Variants in YJEFN3 observed in about 807,000 individuals in gnomAD.
The protein encoded by YJEFN3 is YjeF N-terminal domain containing 3, also known as yjeF N-terminal domain-containing protein 3.
YJEFN3 carries 29 observed loss-of-function variants against 31.5 expected under a neutral mutation model. The ratio of observed to expected loss-of-function variants is 0.92; its 90% CI spans 0.69 to 1.26. YJEFN3 has a LOEUF of 1.26. YJEFN3 is among the 50% of genes most tolerant of loss of function. The probability of loss-of-function intolerance (pLI) is 0.00; values close to 1 mark genes in which losing one functional copy is unlikely to be tolerated. For missense variants in YJEFN3, 442 were observed against 425.4 expected, an observed-to-expected ratio of 1.04 and a Z score of -0.34; for synonymous variants, 227 against 196.1, an observed-to-expected ratio of 1.16 and a Z score of -1.32.
At position 19,529,457 on chromosome 19, in the gene YJEFN3, C is replaced by G. The variant is rs200337311; in HGVS notation, c.153C>G (p.Ala51=). 1.2e-6 allele frequency: 2 copies of G among 1,614,156 alleles called. No homozygotes were observed. Among genetic ancestry groups the G allele is most frequent in the Non-Finnish European group, 1.7e-6 (2 of 1,180,026 alleles). Residue 51 remains alanine (A), a synonymous_variant, in exon 2 of 7, where the codon GCC becomes GCG. Transcript: ENST00000514277. ...CCCTTGTCCAGAGGAGGAAACAGGCCTGGGGAAGGCAGTCATGGCTAGAGC... is the reference window on the plus strand; with the variant it reads ...CCCTTGTCCAGAGGAGGAAACAGGCGTGGGGAAGGCAGTCATGGCTAGAGC... ...TTSLVQRRKQ[A]WGRQSWLEQI...
At chr19:19,536,069 G>A in intron 6 of YJEFN3, 1 of 505,846 alleles carries the variant, frequency 2.0e-6, no homozygotes, top group Non-Finnish European at 3.5e-6. Flanking sequence ...CCGTGGGGGT[G>A]GCTGGACTCC....
rs1162772387 is a variant in YJEFN3, at chr19:19,537,487, C to T, written c.863C>T (p.Pro288Leu). Residue 288 changes from proline (P) to leucine (L), a missense_variant, in exon 7 of 7, where the codon CCG becomes CTG. Pro to Leu is a moderately conservative substitution (Grantham distance 98). Transcript: ENST00000514277. ...CGCCGCAAGTTCGCTCTGCGCCTGC[C>T]GGGATACACGGGCACCGACTGCGTC... ...DVRRKFALRL[P>L]GYTGTDCVAA... is the part of the protein sequence containing the mutation. The T allele has an allele frequency of 2.3e-5, 37 of 1,578,208 alleles. No individual in the cohort carries two copies. The highest frequency in any genetic ancestry group is 2.9e-5 in the Non-Finnish European group (34 of 1,166,648).
chr19:19,530,594 CAG>C (rs2061146096), intron 2 of YJEFN3, among the ~76,000 whole-genome samples: 1 of 152,200 alleles, frequency 6.6e-6, no homozygotes, highest in Non-Finnish European at 1.5e-5. Context: ...GGGCAGCAGT[CAG>C]AGCTGTCACA....
Position 19,529,026 on chromosome 19 carries a change from G to T in YJEFN3, c.59+35G>T, listed in dbSNP as rs1257249161. ...GGAGAGGGAAGCTGGAGACGGGCAT[G>T]GTTCCCATGGGGCCAGGAGCAGCCC... On this transcript the variant is annotated intron_variant, in intron 1 of 6. Coordinates refer to ENST00000514277, the MANE Select transcript of YJEFN3 (RefSeq NM_198537.4). 4 of 1,549,098 alleles carry T rather than the reference G, an allele frequency of 2.6e-6. No homozygotes were observed. The Admixed American group carries it at 5.9e-5, about 23-fold the overall frequency.
intron 6 of YJEFN3, 57 bp downstream of exon 6, chr19:19,535,736 G>A (rs1428706054): frequency 2.0e-6 from 3 of 1,531,258 alleles, no homozygotes; most frequent in Admixed American, 3.9e-5. Context: ...GGAGGCCCCT[G>A]TGCCCCAGCT....
At chr19:19,535,252 G>A (rs1363545732) in intron 4 of YJEFN3, 85 bp from the exon 5 acceptor site, 2 of 1,520,344 alleles carry the variant, frequency 1.3e-6, no homozygotes, top group Non-Finnish European at 1.8e-6. Context: ...CCAGGTTATA[G>A]AATATGCCCA....
Position 19,534,268 on chromosome 19 carries a change from GAGAAAGAGAGCCAGAGACATAC to G in YJEFN3, c.319-758_319-737del, listed in dbSNP as rs2061185312. The stretch of plus-strand genomic sequence containing the variant: ...AGACAAATGGAGAGAGAGACAAATG[GAGAAAGAGAGCCAGAGACATAC>G]AGAAAGACAGAGACACTAGAGTCTG... On this transcript the variant is annotated intron_variant, in intron 3 of 6. Transcript: ENST00000514277. This position sits in a 1 kb window ranked among gnomAD's most constrained non-coding sequence, Gnocchi z 4.6. The G allele has an allele frequency of 1.4e-6, 1 of 710,006 alleles. No individual in the cohort carries two copies. Among genetic ancestry groups the G allele is most frequent in the African/African-American group, 1.9e-5 (1 of 51,328 alleles). The allele number at this position is 710,006 out of a possible 1,614,324, so 44.0% of individuals were successfully genotyped here.
In YJEFN3 at chr19:19,537,402, G is replaced by A. The variant is rs367770101; in HGVS notation, c.778G>A (p.Ala260Thr). Residue 260 changes from alanine (A) to threonine (T), a missense_variant, in exon 7 of 7, where the codon GCT becomes ACT. Transcript: ENST00000514277. ...LVSLAAPKRCAGRFSGRHHFV... is the reference protein window; with the variant it reads ...LVSLAAPKRCTGRFSGRHHFV... ...GTCTCTCGCGGCGCCCAAGCGCTGC[G>A]CTGGCCGCTTCTCCGGGCGCCACCA... is the stretch of plus-strand genomic sequence containing the variant. 1 of 1,590,018 alleles carries A rather than the reference G, an allele frequency of 6.3e-7. No homozygotes were observed. Among genetic ancestry groups the A allele is most frequent in the Non-Finnish European group, 8.5e-7 (1 of 1,174,718 alleles).
intron 2 of YJEFN3, among the ~76,000 whole-genome samples, chr19:19,530,501 T>C (rs2061145078): frequency 3.3e-5 from 5 of 151,790 alleles, no homozygotes. Context: ...TCCAAGTGGC[T>C]GCTAGAGGCC....
In YJEFN3 at chr19:19,535,339, G is replaced by A. The variant is rs2061197539; in HGVS notation, c.432G>A (p.Glu144=). 6.2e-7 allele frequency: 1 copy of A among 1,613,656 alleles called. No homozygotes were observed. The highest frequency in any genetic ancestry group is 2.2e-5 in the East Asian group (1 of 44,858). Residue 144 remains glutamate, a splice_region_variant and synonymous_variant, in exon 5 of 7, where the codon GAG becomes GAA. Transcript: ENST00000514277. ...LVCARHLRVF[E]YEPTIFYPTR... ...ACCCCCTCTTCTCCCACCCCCAGGA[G>A]TATGAACCCACCATCTTCTACCCCA...
In YJEFN3 at chr19:19,534,060, C is replaced by T. The variant is rs1456623470; in HGVS notation, c.319-974C>T. 48 of 985,420 alleles carry T rather than the reference C, an allele frequency of 4.9e-5. No individual in the cohort carries two copies. Among genetic ancestry groups the T allele is most frequent in the Non-Finnish European group, 5.5e-5 (46 of 830,006 alleles). 61.0% of individuals were successfully genotyped at this position (985,420 alleles called of 1,614,324 possible). A position where few individuals can be genotyped will look rare whatever the true frequency, so the allele number is the denominator to read the frequency against. ...AGAGACACCCAGAGTGCCTGTCAGG[C>T]GGTGGCACTGTCATCGCATTTGATA... On this transcript the variant is annotated intron_variant, in intron 3 of 6. Transcript: ENST00000514277. This position sits in a 1 kb window ranked among gnomAD's most constrained non-coding sequence, Gnocchi z 4.6.
Position 19,537,300 on chromosome 19 carries a change from C to G in YJEFN3, c.695-19C>G. ...GCCACCCTCCCAGTTCCCAATCCCC[C>G]CGGACCCTCCTCCCTCAGGCTGGGA... On this transcript the variant is annotated intron_variant, in intron 6 of 6. Coordinates refer to ENST00000514277, the MANE Select transcript of YJEFN3 (RefSeq NM_198537.4). 6.4e-7 allele frequency: 1 copy of G among 1,566,718 alleles called. No homozygotes were observed. Among genetic ancestry groups the G allele is most frequent in the Non-Finnish European group, 8.6e-7 (1 of 1,162,014 alleles).
intron 3 of YJEFN3, chr19:19,533,393 C>T (rs2061177044): frequency 2.0e-6 from 2 of 986,096 alleles, no homozygotes; most frequent in Non-Finnish European, 1.2e-6. Context: ...GAGGCTCTAG[C>T]GTGACTGCCT....
Position 19,529,459 on chromosome 19 carries a change from G to A in YJEFN3, c.155G>A (p.Trp52Ter). Reference protein sequence around the residue: ...TSLVQRRKQAWGRQSWLEQIW... With the variant: ...TSLVQRRKQA ...CTTGTCCAGAGGAGGAAACAGGCCT[G>A]GGGAAGGCAGTCATGGCTAGAGCAG... Residue 52 changes from tryptophan to a stop codon, truncating the protein, a stop_gained, in exon 2 of 7, where the codon TGG (tryptophan) becomes TAG (stop). Transcript: ENST00000514277. LOFTEE classifies it high-confidence loss of function. 1 of 1,614,192 alleles carries A rather than the reference G, an allele frequency of 6.2e-7. No homozygotes were observed. Among genetic ancestry groups the A allele is most frequent in the Non-Finnish European group, 8.5e-7 (1 of 1,180,024 alleles).
intron 2 of YJEFN3, among the ~76,000 whole-genome samples, chr19:19,530,252 A>G (rs1760571491): frequency 1.3e-5 from 2 of 151,508 alleles, no homozygotes; most frequent in Admixed American, 1.3e-4. Flanking sequence ...AGCTTCTCTC[A>G]TCTAGGGGCC....
rs745669687 is a variant in YJEFN3 at position 19,535,597 on chromosome 19, C to T, written c.612C>T (p.Gly204=). The T allele has an allele frequency of 1.0e-5, 16 of 1,581,954 alleles. No homozygotes were observed. The highest frequency in any genetic ancestry group is 4.6e-5 in the South Asian group (4 of 87,170). The part of the protein sequence containing the change: ...DAVLGPGVEP[G]EVGGPCTRAL... ...TACTGGGCCCCGGCGTGGAGCCGGG[C>T]GAGGTCGGGGGCCCCTGCACCCGCG... Residue 204 remains glycine, a synonymous_variant, in exon 6 of 7, where the codon GGC becomes GGT. Coordinates refer to ENST00000514277, the MANE Select transcript of YJEFN3 (RefSeq NM_198537.4).
In YJEFN3 at chr19:19,535,060, G is replaced by A. The variant is rs758297625; in HGVS notation, c.345G>A (p.Arg115=). 2 of 1,609,122 alleles carry A rather than the reference G, an allele frequency of 1.2e-6. No homozygotes were observed. The highest frequency in any genetic ancestry group is 8.5e-7 in the Non-Finnish European group (1 of 1,177,552). Reference sequence around the variant, plus strand: ...CGTTCCCGTTGCCCGCTCTCTCCCGGAAGCAGAGGACGGTGCTGGTCGTGT... The same window carrying A: ...CGTTCCCGTTGCCCGCTCTCTCCCGAAAGCAGAGGACGGTGCTGGTCGTGT... ...TKAFPLPALS[R]KQRTVLVVCG... Residue 115 remains arginine, a synonymous_variant, in exon 4 of 7, where the codon CGG becomes CGA. Transcript: ENST00000514277.
At chr19:19,536,488 C>T (rs1054947732) in intron 6 of YJEFN3, among the ~76,000 whole-genome samples, 2 of 152,006 alleles carry the variant, frequency 1.3e-5, no homozygotes, top group African/African-American at 4.8e-5. Flanking sequence ...CCAGACCAGC[C>T]TGGCCAACAT....
intron 3 of YJEFN3, chr19:19,533,243 A>C: frequency 1.0e-6 from 1 of 988,366 alleles, no homozygotes; most frequent in Non-Finnish European, 1.2e-6. Context: ...CACAAGGGTG[A>C]TAGCAATAAT....
Sources: allele counts gnomAD v4.1 joint callset (sites outside exome capture counted in the v4.1 genomes callset), GRCh38; gene constraint gnomAD v4.1.1; non-coding constraint Gnocchi (gnomAD v3.1); transcripts MANE v1.5; gene names NCBI Gene and HGNC (gene_info 2026-07-23, HGNC 2026-07-21).